Variants in ZNF804B observed in about 807,000 individuals in gnomAD.
ZNF804B encodes zinc finger protein 804B, also known as zinc finger 804B.
Under a neutral mutation model 101.4 loss-of-function variants are expected in ZNF804B, and 80 were observed. The ratio of observed to expected loss-of-function variants is 0.79; its 90% CI spans 0.66 to 0.95. The LOEUF is 0.95. Ranked by LOEUF, ZNF804B falls within the 40% of genes least tolerant of loss-of-function variation. The pLI is 0.00. For synonymous variants in ZNF804B, 622 were observed against 558.8 expected, an observed-to-expected ratio of 1.11 and a Z score of -1.59; for missense variants, 1,673 against 1,561.9, an observed-to-expected ratio of 1.07 and a Z score of -1.20.
intron 1 of ZNF804B, among the ~76,000 whole-genome samples, chr7:88,812,058 T>C (rs1025245402): frequency 2.0e-5 from 3 of 152,204 alleles, no homozygotes; most frequent in Admixed American, 6.5e-5. Context: ...TCTCCGCTTC[T>C]TGTTACAGTA....
chr7:88,823,586 C>T (rs970841328), intron 1 of ZNF804B, among the ~76,000 whole-genome samples: 1 of 151,918 alleles, frequency 6.6e-6, no homozygotes, highest in Non-Finnish European at 1.5e-5. Flanking sequence ...GGAAGGAAGG[C>T]GGCAGGTACG....
At chr7:88,926,557 G>A (rs1046486236) in intron 1 of ZNF804B, among the ~76,000 whole-genome samples, 25 of 151,982 alleles carry the variant, frequency 1.6e-4, no homozygotes, top group African/African-American at 4.8e-5. Context: ...ACACTGAGCC[G>A]AGATCACGCC....
intron 1 of ZNF804B, among the ~76,000 whole-genome samples, chr7:88,925,127 T>G (rs1390085984): frequency 6.6e-6 from 1 of 152,144 alleles, no homozygotes; most frequent in African/African-American, 2.4e-5. Context: ...TATTTACTAG[T>G]CCTTAGTCTC....
rs141753870 is a variant in ZNF804B at position 89,157,524 on chromosome 7, T to G, written c.109-60631T>G. 2.0e-3 allele frequency among the ~76,000 whole-genome samples: 300 copies of G among 152,292 alleles called. 2 individuals are homozygous for G. The highest frequency in any genetic ancestry group is 6.7e-3 in the African/African-American group (278 of 41,574). On this transcript the variant is annotated intron_variant, in intron 1 of 3. Transcript: ENST00000333190. ...GTCTTTTGATGAACATATTCTTTGA[T>G]TTTATAAAAGTGATCAGGTTTCCAG...
At chr7:88,872,287 C>T (rs1791838800) in intron 1 of ZNF804B, among the ~76,000 whole-genome samples, 1 of 152,070 alleles carries the variant, frequency 6.6e-6, no homozygotes, top group Non-Finnish European at 1.5e-5. Flanking sequence ...AATCCACGAT[C>T]ATGCCTGTAA....
At chr7:88,859,749 T>A (rs1791620510) in intron 1 of ZNF804B, among the ~76,000 whole-genome samples, 1 of 151,952 alleles carries the variant, frequency 6.6e-6, no homozygotes, top group South Asian at 2.1e-4. Context: ...TGCATGCATA[T>A]GGAAATATAG....
At chr7:89,314,337 C>A (rs529845992) in intron 2 of ZNF804B, among the ~76,000 whole-genome samples, 1 of 152,158 alleles carries the variant, frequency 6.6e-6, no homozygotes, top group East Asian at 1.9e-4. Flanking sequence ...GAAGTATGCC[C>A]AACATACTTC....
intron 1 of ZNF804B, among the ~76,000 whole-genome samples, chr7:89,173,341 ATAAGT>A (rs1791267839): frequency 6.6e-6 from 1 of 151,986 alleles, no homozygotes. Context: ...AGTAATTTAA[ATAAGT>A]TAAATTATTT....
chr7:89,054,966 T>C (rs10486895), intron 1 of ZNF804B, among the ~76,000 whole-genome samples: 116,475 of 151,980 alleles, frequency 0.77, 44,711 homozygotes, highest in African/African-American at 0.79. Context: ...GTCATTACCT[T>C]CTACAACAGG....
intron 2 of ZNF804B, among the ~76,000 whole-genome samples, chr7:89,242,038 T>A (rs909140588): frequency 3.3e-5 from 5 of 151,928 alleles, no homozygotes; most frequent in African/African-American, 1.2e-4. Context: ...CTCCAAAGCT[T>A]TTAGTTACTT....
intron 1 of ZNF804B, among the ~76,000 whole-genome samples, chr7:89,060,405 AG>A (rs1789361291): frequency 6.6e-6 from 1 of 152,126 alleles, no homozygotes; most frequent in South Asian, 2.1e-4. Context: ...TAAAGATAAA[AG>A]CTTAAAAGTG....
At chr7:89,089,547 GA>G (rs879868196) in intron 1 of ZNF804B, among the ~76,000 whole-genome samples, 68 of 151,520 alleles carry the variant, frequency 4.5e-4, no homozygotes, top group Middle Eastern at 3.4e-3. Context: ...AAGAGGTAGA[GA>G]AAAAAAATTT....
intron 1 of ZNF804B, among the ~76,000 whole-genome samples, chr7:89,127,894 A>G (rs564603008): frequency 6.6e-6 from 1 of 151,746 alleles, no homozygotes; most frequent in African/African-American, 2.4e-5. Context: ...ATCTGTAAGT[A>G]TGTATAATTA....
intron 1 of ZNF804B, among the ~76,000 whole-genome samples, chr7:89,164,982 G>A (rs6972908): frequency 0.2 from 30,622 of 151,750 alleles, 3,317 homozygotes; most frequent in Non-Finnish European, 0.22. Context: ...TCATTTCAAG[G>A]TATACATTTC....
At chr7:89,026,266 G>A (rs1488670099) in intron 1 of ZNF804B, among the ~76,000 whole-genome samples, 3 of 152,130 alleles carry the variant, frequency 2.0e-5, no homozygotes, top group African/African-American at 4.8e-5. Flanking sequence ...TCAATAATTA[G>A]ATAGGTCAAG....
chr7:88,884,549 G>C (rs1036504313), intron 1 of ZNF804B, among the ~76,000 whole-genome samples: 1 of 151,572 alleles, frequency 6.6e-6, no homozygotes, highest in Non-Finnish European at 1.5e-5. Context: ...CTCCTCCAGT[G>C]GTTTCCTATT....
intron 1 of ZNF804B, among the ~76,000 whole-genome samples, chr7:89,156,137 G>T (rs1790971585): frequency 6.9e-6 from 1 of 144,836 alleles, no homozygotes; most frequent in Admixed American, 7.2e-5. Context: ...TTCTTTCATG[G>T]AGTTTCACTC....
chr7:88,985,536 C>G (rs1024273764), intron 1 of ZNF804B, among the ~76,000 whole-genome samples: 1 of 152,022 alleles, frequency 6.6e-6, no homozygotes, highest in African/African-American at 2.4e-5. Flanking sequence ...TGTGCGGCCT[C>G]TGTTCACTAC....
intron 2 of ZNF804B, among the ~76,000 whole-genome samples, chr7:89,278,676 T>C (rs1309299796): frequency 1.3e-5 from 2 of 150,542 alleles, no homozygotes; most frequent in Admixed American, 6.6e-5. Flanking sequence ...TGTGGCGTTA[T>C]TTCTGAGGGC....
Sources: allele counts gnomAD v4.1 joint callset (sites outside exome capture counted in the v4.1 genomes callset), GRCh38; gene constraint gnomAD v4.1.1; transcripts MANE v1.5; gene names NCBI Gene and HGNC (gene_info 2026-07-23, HGNC 2026-07-21).